The following NEFH variants were observed in gnomAD, a reference collection of about 807,000 sequenced individuals.
NEFH encodes the protein neurofilament heavy chain.
A neutral mutation model predicts 56.6 loss-of-function variants in NEFH; 58 were observed. The ratio of observed to expected loss-of-function variants is 1.03; its 90% CI spans 0.83 to 1.28. The LOEUF (loss-of-function observed/expected upper bound fraction) is 1.28. NEFH is among the 50% of genes most tolerant of loss of function. NEFH has a pLI of 0.00. For synonymous variants in NEFH, 542 were observed against 545.8 expected (o/e 0.99, Z 0.10); for missense variants, 1,221 against 1,307.6 (o/e 0.93, Z 1.02).
chr22:29,490,876 A>G lies in NEFH; in HGVS notation c.*173A>G, dbSNP rs2063077770. On this transcript the variant is annotated 3_prime_UTR_variant, in exon 4 of 4. Transcript: ENST00000310624. Reference sequence around the variant, plus strand: ...TTTCTGTTAGCAATATGTTAGCAAGAGAGGGCACTCCCAGGCCCCTGCCCC... The same window carrying G: ...TTTCTGTTAGCAATATGTTAGCAAGGGAGGGCACTCCCAGGCCCCTGCCCC... 4.5e-6 allele frequency: 6 copies of G among 1,326,948 alleles called. No homozygotes were observed. Among genetic ancestry groups the G allele is most frequent in the Non-Finnish European group, 6.2e-6 (6 of 960,014 alleles). 82.2% of individuals were successfully genotyped at this position (1,326,948 alleles called of 1,614,324 possible).
At chr22:29,483,180 G>A (rs2063021716) in intron 1 of NEFH, among the ~76,000 whole-genome samples, 195 bp from the exon 2 acceptor site, 1 of 151,970 alleles carries the variant, frequency 6.6e-6, no homozygotes, top group Non-Finnish European at 1.5e-5. Context: ...TCGGGAGGCT[G>A]AGGCAGGAGA....
chr22:29,486,232 C>G (rs2063043543), intron 3 of NEFH, among the ~76,000 whole-genome samples: 1 of 151,776 alleles, frequency 6.6e-6, no homozygotes, highest in Non-Finnish European at 1.5e-5. Context: ...ACCATGTTGG[C>G]CAGGCTGGTC....
At chr22:29,486,320 C>T (rs2063044033) in intron 3 of NEFH, among the ~76,000 whole-genome samples, 1 of 151,960 alleles carries the variant, frequency 6.6e-6, no homozygotes, top group Non-Finnish European at 1.5e-5. Flanking sequence ...CCACCATGAC[C>T]AGCCCCATTC....
Position 29,491,033 on chromosome 22 carries a change from C to A in NEFH, c.*330C>A. 2.4e-6 allele frequency: 1 copy of A among 420,662 alleles called. No individual in the cohort carries two copies. The highest frequency in any genetic ancestry group is 4.4e-6 in the Non-Finnish European group (1 of 225,248). The allele number at this position is 420,662 out of a possible 1,614,324, so 26.1% of individuals were successfully genotyped here. On this transcript the variant is annotated 3_prime_UTR_variant, in exon 4 of 4. Transcript: ENST00000310624. ...TTCCAAATAAGTGCATTTATTGCCT[C>A]TATGTGCAACTGACAGATGACCGCA... is the stretch of plus-strand genomic sequence containing the variant.
chr22:29,485,594 G>T, intron 2 of NEFH, 129 bp from the exon 3 acceptor site: 1 of 1,114,954 alleles, frequency 9.0e-7, no homozygotes, highest in Non-Finnish European at 1.3e-6. Context: ...GCTCTGGCAG[G>T]GTTGGGGTTG....
chr22:29,480,490 G>A lies in NEFH; in HGVS notation c.228G>A (p.Ser76=). ...CAGGCGCCGCCTCAAGCACCGACTC[G>A]CTGGACACGCTGAGCAACGGGCCGG... ...RGAGAASSTD[S]LDTLSNGPEG... Residue 76 remains serine, a synonymous_variant, in exon 1 of 4, where the codon TCG becomes TCA. Transcript: ENST00000310624. 2 of 1,533,796 alleles carry A rather than the reference G, an allele frequency of 1.3e-6. No homozygotes were observed. Among genetic ancestry groups the A allele is most frequent in the Non-Finnish European group, 8.7e-7 (1 of 1,146,540 alleles).
At position 29,490,854 on chromosome 22, in the gene NEFH, CTGTTAGCAATA is replaced by C; in HGVS notation, c.*161_*171del. 4.1e-6 allele frequency: 6 copies of C among 1,472,878 alleles called. No individual in the cohort carries two copies. The highest frequency in any genetic ancestry group is 5.5e-6 in the Non-Finnish European group (6 of 1,089,502). 91.2% of individuals were successfully genotyped at this position (1,472,878 alleles called of 1,614,324 possible). On this transcript the variant is annotated 3_prime_UTR_variant, in exon 4 of 4. Transcript: ENST00000310624. ...GGCCTCCTTCTTCAAACAGGAATTT[CTGTTAGCAATA>C]TGTTAGCAAGAGAGGGCACTCCCAG...
Position 29,490,822 on chromosome 22 carries a change from A to G in NEFH, c.*119A>G, listed in dbSNP as rs1202675534. 6.5e-7 allele frequency: 1 copy of G among 1,533,858 alleles called. No homozygotes were observed. The highest frequency in any genetic ancestry group is 1.4e-5 in the African/African-American group (1 of 72,816). On this transcript the variant is annotated 3_prime_UTR_variant, in exon 4 of 4. Coordinates refer to ENST00000310624, the MANE Select transcript of NEFH (RefSeq NM_021076.4). The stretch of plus-strand genomic sequence containing the variant: ...CTTTATGTAAGAAGAAACTGCTTAG[A>G]TGACGGGGCCTCCTTCTTCAAACAG...
rs1602960184 is a variant in NEFH, at chr22:29,480,621, C to G, written c.359C>G (p.Ala120Gly). ...ATCGACAAGGTGCGGCAGCTGGAGGCGCACAACCGCAGCCTGGAGGGCGAG... is the reference window on the plus strand; with the variant it reads ...ATCGACAAGGTGCGGCAGCTGGAGGGGCACAACCGCAGCCTGGAGGGCGAG... ...GYIDKVRQLEAHNRSLEGEAA... is the reference protein window; with the variant it reads ...GYIDKVRQLEGHNRSLEGEAA... The change falls in exon 1 of 4, where the codon GCG (alanine) becomes GGG (glycine). Residue 120 changes from alanine (A) to glycine (G), a missense_variant. Coordinates refer to ENST00000310624, the MANE Select transcript of NEFH (RefSeq NM_021076.4). The G allele has an allele frequency of 2.6e-6, 4 of 1,563,306 alleles. No individual in the cohort carries two copies. The South Asian group carries it at 3.5e-5, about 14-fold the overall frequency.
Position 29,491,389 on chromosome 22 carries a change from G to A in NEFH, c.*686G>A, listed in dbSNP as rs1034492807. ...ACTGCATGGGACTGAGCAAGCATCA[G>A]TTCCCTCGTGGGTCTAGAGCGACTT... On this transcript the variant is annotated 3_prime_UTR_variant, in exon 4 of 4. Transcript: ENST00000310624. The A allele has an allele frequency of 5.8e-6, 1 of 171,848 alleles. No individual in the cohort carries two copies. The highest frequency in any genetic ancestry group is 1.4e-4 in the South Asian group (1 of 7,364). The allele number at this position is 171,848 out of a possible 1,614,324, so 10.6% of individuals were successfully genotyped here. A position where few individuals can be genotyped will look rare whatever the true frequency, so the allele number is the denominator to read the frequency against.
chr22:29,485,865 T>C lies in NEFH; in HGVS notation c.1208+18T>C. 6 of 1,614,146 alleles carry C rather than the reference T, an allele frequency of 3.7e-6. No individual in the cohort carries two copies. Among genetic ancestry groups the C allele is most frequent in the Non-Finnish European group, 5.1e-6 (6 of 1,179,960 alleles). On this transcript the variant is annotated intron_variant, in intron 3 of 3. Transcript: ENST00000310624. ...GCTTACAGGTGAGACGCACAGGGGC[T>C]GTCACATGGTGAAGAAAGCTTGTGT...
At chr22:29,486,167 C>T (rs1031580576) in intron 3 of NEFH, among the ~76,000 whole-genome samples, 1 of 151,692 alleles carries the variant, frequency 6.6e-6, no homozygotes, top group South Asian at 2.1e-4. Flanking sequence ...TACACGTGCC[C>T]GCCACCACGC....
Position 29,489,158 on chromosome 22 carries a change from A to G in NEFH, c.1518A>G (p.Ala506=). 6.2e-7 allele frequency: 1 copy of G among 1,614,024 alleles called. No individual in the cohort carries two copies. The change falls in exon 4 of 4, where the codon GCA becomes GCG. Residue 506 remains alanine, a synonymous_variant. Coordinates refer to ENST00000310624, the MANE Select transcript of NEFH (RefSeq NM_021076.4). ...GGEEETKSPP[A]EEAASPEKEA... Reference sequence around the variant, plus strand: ...AAGAAGAAACAAAGTCTCCCCCAGCAGAAGAGGCTGCATCCCCAGAGAAGG... The same window carrying G: ...AAGAAGAAACAAAGTCTCCCCCAGCGGAAGAGGCTGCATCCCCAGAGAAGG...
chr22:29,483,770 A>G (rs928439073), intron 2 of NEFH, among the ~76,000 whole-genome samples, 196 bp downstream of exon 2: 12 of 89,662 alleles, frequency 1.3e-4, no homozygotes, highest in Non-Finnish European at 1.7e-4. Context: ...CCAGCCATGA[A>G]AAAAAAAAAA....
chr22:29,483,459 G>A lies in NEFH; in HGVS notation c.968G>A (p.Arg323His), dbSNP rs756952361. Residue 323 changes from arginine (R) to histidine (H), a missense_variant, in exon 2 of 4, where the codon CGT becomes CAT. Around this residue, in one of 4 missense-constraint regions of NEFH, gnomAD observed 640 missense variants for 555.5 expected, o/e 1.15. Coordinates refer to ENST00000310624, the MANE Select transcript of NEFH (RefSeq NM_021076.4). ...SAQEEITEYR[R>H]QLQARTTELE... Reference sequence around the variant, plus strand: ...CAGGAGGAGATAACTGAGTACCGGCGTCAGCTGCAGGCCAGGACCACAGAG... The same window carrying A: ...CAGGAGGAGATAACTGAGTACCGGCATCAGCTGCAGGCCAGGACCACAGAG... 5.6e-6 allele frequency: 9 copies of A among 1,613,900 alleles called. No homozygotes were observed. The highest frequency in any genetic ancestry group is 1.6e-4 in the Middle Eastern group (1 of 6,084).
intron 1 of NEFH, 47 bp from the exon 2 acceptor site, chr22:29,483,328 C>A: frequency 6.4e-7 from 1 of 1,557,030 alleles, no homozygotes; most frequent in Non-Finnish European, 8.8e-7. Context: ...GCATTAGAAC[C>A]CAGTCCAGGT....
At position 29,481,132 on chromosome 22, in the gene NEFH, G is replaced by C; in HGVS notation, c.870G>C (p.Glu290Asp). 6.5e-7 allele frequency: 1 copy of C among 1,532,320 alleles called. No individual in the cohort carries two copies. The highest frequency in any genetic ancestry group is 8.7e-7 in the Non-Finnish European group (1 of 1,145,992). The allele number at this position is 1,532,320 out of a possible 1,614,324, so 94.9% of individuals were successfully genotyped here. A position where few individuals can be genotyped will look rare whatever the true frequency, so the allele number is the denominator to read the frequency against. ...CGGTGCAGAGCACGCTGCAGTCCGA[G>C]GAGTGGTTCCGAGGTACGCAGGCGC... Reference protein sequence around the residue: ...GHAVQSTLQSEEWFRVRLDRL... With the variant: ...GHAVQSTLQSDEWFRVRLDRL... Residue 290 changes from glutamate (E) to aspartate (D), a missense_variant, in exon 1 of 4, where the codon GAG becomes GAC. Coordinates refer to ENST00000310624, the MANE Select transcript of NEFH (RefSeq NM_021076.4).
intron 2 of NEFH, among the ~76,000 whole-genome samples, chr22:29,484,978 G>A (rs994768380): frequency 6.6e-6 from 1 of 152,086 alleles, no homozygotes; most frequent in Non-Finnish European, 1.5e-5. Flanking sequence ...GGGACTATAG[G>A]TGCACATCAC....
chr22:29,483,126 A>C (rs1045786194), intron 1 of NEFH, among the ~76,000 whole-genome samples: 1 of 152,080 alleles, frequency 6.6e-6, no homozygotes, highest in African/African-American at 2.4e-5. Context: ...AAAAATACAA[A>C]AAATTAGCTG....
Sources: gnomAD v4.1 joint callset for allele counts (sites outside exome capture counted in the v4.1 genomes callset) on GRCh38, gnomAD v4.1.1 for gene constraint, gnomAD v4.1.1 regional missense constraint, MANE v1.5 for transcripts, NCBI Gene and HGNC (gene_info 2026-07-23, HGNC 2026-07-21) for gene names.